FMNL1: variants seen among roughly 807,000 people sequenced by gnomAD.
FMNL1 encodes formin-like protein 1.
FMNL1 carries 43 observed loss-of-function variants against 121.3 expected under a neutral mutation model. That is an observed-to-expected ratio of 0.35 (90% CI 0.28 to 0.46). FMNL1 has a LOEUF of 0.46. Among genes scored for constraint, FMNL1 ranks in the 20% least tolerant of loss-of-function variants. FMNL1 has a pLI of 1.00. For missense variants in FMNL1, 1,191 were observed against 1,482.4 expected (o/e 0.80, Z 3.23); for synonymous variants, 613 against 613.5 (o/e 1.00, Z 0.01).
chr17:45,235,506 G>T (rs1265865375), intron 6 of FMNL1, among the ~76,000 whole-genome samples: 1 of 152,208 alleles, frequency 6.6e-6, no homozygotes, highest in Non-Finnish European at 1.5e-5. Flanking sequence ...GTATTACTGG[G>T]AATGTGATAG....
At chr17:45,242,625 C>T (rs1167795927) in intron 16 of FMNL1, among the ~76,000 whole-genome samples, 160 bp downstream of exon 16, 1 of 152,224 alleles carries the variant, frequency 6.6e-6, no homozygotes, top group African/African-American at 2.4e-5. Flanking sequence ...ACCAATACCT[C>T]TAACAGGCAG....
Position 45,247,000 on chromosome 17 carries a change from G to T in FMNL1, c.*142G>T. ...TATTTCTGCAGGTGGATTCTGCAGGGGTGTGGGGCCGTGGACAGGCTGAGG... is the reference window on the plus strand; with the variant it reads ...TATTTCTGCAGGTGGATTCTGCAGGTGTGTGGGGCCGTGGACAGGCTGAGG... On this transcript the variant is annotated 3_prime_UTR_variant, in exon 27 of 27. Transcript: ENST00000331495. The T allele has an allele frequency of 1.4e-6, 1 of 699,228 alleles. No individual in the cohort carries two copies. 43.3% of individuals were successfully genotyped at this position (699,228 alleles called of 1,614,324 possible). A position where few individuals can be genotyped will look rare whatever the true frequency, so the allele number is the denominator to read the frequency against.
chr17:45,226,017 C>T (rs964996670), intron 1 of FMNL1, among the ~76,000 whole-genome samples: 1 of 152,138 alleles, frequency 6.6e-6, no homozygotes, highest in Non-Finnish European at 1.5e-5. Flanking sequence ...GCCCATTTAG[C>T]GGAGGGAGCC....
chr17:45,242,007 A>G lies in FMNL1; in HGVS notation c.1746A>G (p.Gly582=). The G allele has an allele frequency of 1.5e-6, 2 of 1,315,454 alleles. No homozygotes were observed. The highest frequency in any genetic ancestry group is 1.7e-5 in the South Asian group (1 of 57,862). The allele number at this position is 1,315,454 out of a possible 1,614,324, so 81.5% of individuals were successfully genotyped here. The change falls in exon 15 of 27, where the codon GGA becomes GGG. Residue 582 remains glycine, a synonymous_variant. Coordinates refer to ENST00000331495, the MANE Select transcript of FMNL1 (RefSeq NM_005892.4). ...PEPPPAPPLP[G]DLPPPPPPPP... ...CCCCGCCTGCGCCGCCGCTGCCCGG[A>G]GACCTGCCGCCCCCACCCCCGCCAC...
At position 45,221,979 on chromosome 17, in the gene FMNL1, C is replaced by G; in HGVS notation, c.-146C>G. ...GCTCCGGCCCCTGCGCGCCGCTGAG[C>G]CGAGCGCCCCCCGCTGCCGAGACCC... is the stretch of plus-strand genomic sequence containing the variant. On this transcript the variant is annotated 5_prime_UTR_variant, in exon 1 of 27. Transcript: ENST00000331495. The G allele has an allele frequency of 1.9e-6, 1 of 539,982 alleles. No individual in the cohort carries two copies. Among genetic ancestry groups the G allele is most frequent in the Non-Finnish European group, 2.7e-6 (1 of 376,680 alleles). 33.4% of individuals were successfully genotyped at this position (539,982 alleles called of 1,614,324 possible). A position where few individuals can be genotyped will look rare whatever the true frequency, so the allele number is the denominator to read the frequency against.
intron 11 of FMNL1, chr17:45,239,295 G>A: frequency 1.9e-6 from 1 of 539,062 alleles, no homozygotes; most frequent in Non-Finnish European, 3.4e-6. Flanking sequence ...GCATAGACCA[G>A]TGCCTGGCAC....
rs1483520503 is a variant in FMNL1, at chr17:45,241,530, G to C, written c.1481G>C (p.Gly494Ala). ...EEKGLIRILR[G>A]PGDAVSIEIL... Reference sequence around the variant, plus strand: ...AAGGGGTTAATCCGTATTCTGCGGGGGCCGGGGGATGCTGTCTCCATCGAG... The same window carrying C: ...AAGGGGTTAATCCGTATTCTGCGGGCGCCGGGGGATGCTGTCTCCATCGAG... The change falls in exon 14 of 27, where the codon GGG becomes GCG. Residue 494 changes from glycine (G) to alanine (A), a missense_variant. Gly to Ala is a moderately conservative substitution (Grantham distance 60, BLOSUM62 0). This residue lies in a region of FMNL1 where 519 missense variants were observed against 492.8 expected (regional missense o/e 1.05). Transcript: ENST00000331495. This position sits in a 1 kb window ranked among gnomAD's most constrained non-coding sequence, Gnocchi z 7.0. 7.6e-6 allele frequency: 12 copies of C among 1,578,318 alleles called. No individual in the cohort carries two copies. Among genetic ancestry groups the C allele is most frequent in the Non-Finnish European group, 1.0e-5 (12 of 1,163,136 alleles).
Position 45,246,113 on chromosome 17 carries a change from T to C in FMNL1, c.3091-97T>C, listed in dbSNP as rs757139519. 5.2e-4 allele frequency: 807 copies of C among 1,537,850 alleles called. 3 individuals are homozygous for C. The highest frequency in any genetic ancestry group is 6.5e-4 in the Non-Finnish European group (747 of 1,143,422). ...TGGGATGGGAAAGGGTTCTTTCTGC[T>C]CAAGCCAGCTGTCCTTGCTGTGGGG... On this transcript the variant is annotated intron_variant, in intron 24 of 26. Coordinates refer to ENST00000331495, the MANE Select transcript of FMNL1 (RefSeq NM_005892.4).
chr17:45,233,558 C>A lies in FMNL1; in HGVS notation c.402-90C>A, dbSNP rs2043485281. The A allele has an allele frequency of 6.8e-6, 10 of 1,471,166 alleles. No individual in the cohort carries two copies. The highest frequency in any genetic ancestry group is 1.2e-5 in the South Asian group (1 of 84,624). The allele number at this position is 1,471,166 out of a possible 1,614,324, so 91.1% of individuals were successfully genotyped here. On this transcript the variant is annotated intron_variant, in intron 4 of 26. Transcript: ENST00000331495. This position sits in a 1 kb window ranked among gnomAD's most constrained non-coding sequence, Gnocchi z 4.1. ...ATTGGGTCTTTGGGGGTTGAAAGGG[C>A]ACCCCAGGGGTCCTTGCTGTCCCTG...
intron 1 of FMNL1, among the ~76,000 whole-genome samples, chr17:45,229,191 C>T (rs1468469934): frequency 6.6e-6 from 1 of 152,138 alleles, no homozygotes; most frequent in Non-Finnish European, 1.5e-5. Flanking sequence ...ATTCCACCCC[C>T]TTCAGCCGCT....
rs200730343 is a variant in FMNL1, at chr17:45,246,273, A to C, written c.3154A>C (p.Lys1052Gln). 27 of 1,613,922 alleles carry C rather than the reference A, an allele frequency of 1.7e-5. No homozygotes were observed. The highest frequency in any genetic ancestry group is 1.7e-5 in the Admixed American group (1 of 60,002). Residue 1052 changes from lysine (K) to glutamine (Q), a missense_variant, in exon 25 of 27, where the codon AAG becomes CAG. Physicochemically the swap from Lys to Gln is moderately conservative, Grantham distance 53. This residue lies in a region of FMNL1 where 367 missense variants were observed against 528.6 expected (regional missense o/e 0.69). Transcript: ENST00000331495. ...CTCTGAGCTGAAACGGAGGCAGCAG[A>C]AGGAGCCACTCATTTATGAGAGCGA... is the stretch of plus-strand genomic sequence containing the variant. ...LISELKRRQQ[K>Q]EPLIYESDRD...
chr17:45,223,276 C>A (rs1209571570), intron 1 of FMNL1, among the ~76,000 whole-genome samples: 1 of 152,224 alleles, frequency 6.6e-6, no homozygotes, highest in Non-Finnish European at 1.5e-5. Flanking sequence ...GGTGGGGGCT[C>A]AACGGAGACA....
Position 45,231,717 on chromosome 17 carries a change from C to T in FMNL1, c.214-650C>T, listed in dbSNP as rs1251796562. On this transcript the variant is annotated intron_variant, in intron 2 of 26. Coordinates refer to ENST00000331495, the MANE Select transcript of FMNL1 (RefSeq NM_005892.4). This position sits in a 1 kb window ranked among gnomAD's most constrained non-coding sequence, Gnocchi z 4.7. The stretch of plus-strand genomic sequence containing the variant: ...GGGGATTAGGAATTGCATCACTGAG[C>T]ACAGGAGAGGAGCACGCAGGTTCCT... Among the ~76,000 whole-genome samples the T allele has an allele frequency of 6.6e-6, 1 of 152,092 alleles. No individual in the cohort carries two copies. Among genetic ancestry groups the T allele is most frequent in the Non-Finnish European group, 1.5e-5 (1 of 68,004 alleles).
chr17:45,234,395 T>G, intron 6 of FMNL1, 195 bp downstream of exon 6: 1 of 892,100 alleles, frequency 1.1e-6, no homozygotes, highest in South Asian at 1.6e-5. Context: ...CTGGGTGCTG[T>G]GGCTCATGCC....
In FMNL1 at chr17:45,232,361, C is replaced by G. The variant is rs773066108; in HGVS notation, c.214-6C>G. The G allele has an allele frequency of 1.2e-6, 2 of 1,613,664 alleles. No homozygotes were observed. The highest frequency in any genetic ancestry group is 4.5e-5 in the East Asian group (2 of 44,866). ...GTTTTCTGTACACCCCATTCCATCT[C>G]CCCAGGAGCGGTTTCAAGTCAAGAA... On this transcript the variant is annotated splice_polypyrimidine_tract_variant and splice_region_variant and intron_variant, in intron 2 of 26. Coordinates refer to ENST00000331495, the MANE Select transcript of FMNL1 (RefSeq NM_005892.4).
chr17:45,222,337 G>A, intron 1 of FMNL1, 84 bp downstream of exon 1: 1 of 1,070,184 alleles, frequency 9.3e-7, no homozygotes, highest in Non-Finnish European at 1.1e-6. Flanking sequence ...CCCGCCCCCG[G>A]GGACTCAGGT....
At position 45,241,955 on chromosome 17, in the gene FMNL1, C is replaced by T. The variant is rs2043709522; in HGVS notation, c.1694C>T (p.Ala565Val). The stretch of plus-strand genomic sequence containing the variant: ...GCCCCGCCCTCTGCGCCCCCACAGG[C>T]CCCGCCTCTCCCTGGCAGCCCGGAG... ...QEAPPSAPPQ[A>V]PPLPGSPEPP... is the part of the protein sequence containing the mutation. The change falls in exon 15 of 27, where the codon GCC (alanine) becomes GTC (valine). Residue 565 changes from alanine to valine, a missense_variant. Around this residue, in one of 4 missense-constraint regions of FMNL1, gnomAD observed 519 missense variants for 492.8 expected, o/e 1.05. Coordinates refer to ENST00000331495, the MANE Select transcript of FMNL1 (RefSeq NM_005892.4). The surrounding 1 kb of genome is among the most constrained non-coding windows in gnomAD (Gnocchi z 7.0). 2 of 1,344,610 alleles carry T rather than the reference C, an allele frequency of 1.5e-6. No homozygotes were observed. Among genetic ancestry groups the T allele is most frequent in the East Asian group, 3.2e-5 (1 of 31,126 alleles). 83.3% of individuals were successfully genotyped at this position (1,344,610 alleles called of 1,614,324 possible). A position where few individuals can be genotyped will look rare whatever the true frequency, so the allele number is the denominator to read the frequency against.
intron 9 of FMNL1, chr17:45,238,031 T>G (rs11871190): frequency 1.9e-5 from 4 of 213,324 alleles, no homozygotes; most frequent in Non-Finnish European, 3.8e-5. Flanking sequence ...ATTCATTCAT[T>G]CCTTTAATGA....
intron 1 of FMNL1, among the ~76,000 whole-genome samples, chr17:45,224,702 T>TG (rs1357294233): frequency 6.6e-6 from 1 of 151,518 alleles, no homozygotes; most frequent in African/African-American, 2.4e-5. Context: ...CATGCAAGGG[T>TG]GGGTGGTGGG....
Sources: gnomAD v4.1 joint callset for allele counts (sites outside exome capture counted in the v4.1 genomes callset) on GRCh38, gnomAD v4.1.1 for gene constraint, gnomAD v4.1.1 regional missense constraint, Gnocchi (gnomAD v3.1) non-coding constraint, MANE v1.5 for transcripts, NCBI Gene and HGNC (gene_info 2026-07-23, HGNC 2026-07-21) for gene names.